ZDHHC15: variants seen among roughly 807,000 people sequenced by gnomAD.
The protein encoded by ZDHHC15 is palmitoyltransferase ZDHHC15.
Under a neutral mutation model 31.7 loss-of-function variants are expected in ZDHHC15, and 19 were observed. The ratio of observed to expected loss-of-function variants is 0.60; its 90% confidence interval spans 0.42 to 0.88. ZDHHC15 has a LOEUF of 0.88. Ranked by LOEUF, ZDHHC15 falls within the 40% of genes least tolerant of loss-of-function variation. The probability of loss-of-function intolerance (pLI) is 0.00; values close to 1 mark genes in which losing one functional copy is unlikely to be tolerated. For missense variants in ZDHHC15, 209 were observed against 251.2 expected, an observed-to-expected ratio of 0.83 and a Z score of 1.14; for synonymous variants, 103 against 90.0, an observed-to-expected ratio of 1.14 and a Z score of -0.82.
At position 75,413,587 on chromosome X, in the gene ZDHHC15, C is replaced by T. The variant is rs781088011; in HGVS notation, c.967+3500G>A. On this transcript the variant is annotated intron_variant, in intron 10 of 11. Transcript: ENST00000373367. ...GGCTGAGGCAGGAGAGTCACTTGAG[C>T]CCGGGAGGCAGAGGTTGCAGTGAGC... 4.6e-5 allele frequency among the ~76,000 whole-genome samples: 5 copies of T among 109,877 alleles called. No homozygotes were observed. In the East Asian group the frequency reaches 1.1e-3, roughly 25 times the overall value.
chrX:75,435,845 T>C (rs1192636878), intron 4 of ZDHHC15, among the ~76,000 whole-genome samples: 1 of 112,199 alleles, frequency 8.9e-6, no homozygotes, highest in Non-Finnish European at 1.9e-5. Context: ...ACTAGGGTAA[T>C]ATTGGCTTCA....
At chrX:75,444,665 TATATATATATATATATATATATAC>T (rs2084003304) in intron 4 of ZDHHC15, among the ~76,000 whole-genome samples, 2 of 78,664 alleles carry the variant, frequency 2.5e-5, no homozygotes, top group African/African-American at 1.1e-4. Context: ...TATATATATA[TATATATATATATATATATATATAC>T]ACACACACAC....
At chrX:75,431,194 C>A (rs2083775728) in intron 5 of ZDHHC15, among the ~76,000 whole-genome samples, 1 of 112,189 alleles carries the variant, frequency 8.9e-6, no homozygotes, top group African/African-American at 3.2e-5. Context: ...CAAGAACTAT[C>A]TTCACAATAA....
At chrX:75,450,774 C>T in intron 4 of ZDHHC15, 28 bp downstream of exon 4, 2 of 1,210,254 alleles carry the variant, frequency 1.7e-6, no homozygotes, top group Non-Finnish European at 2.2e-6. Context: ...GCTGAGCTGC[C>T]TCTCTAGCTG....
intron 10 of ZDHHC15, among the ~76,000 whole-genome samples, chrX:75,396,432 C>T (rs1163592466): frequency 8.9e-6 from 1 of 111,759 alleles, no homozygotes; most frequent in Non-Finnish European, 1.9e-5. Context: ...AAAATCAAAA[C>T]TATAATGAGA....
At chrX:75,483,530 G>C (rs2084727227) in intron 2 of ZDHHC15, among the ~76,000 whole-genome samples, 1 of 110,895 alleles carries the variant, frequency 9.0e-6, no homozygotes, top group African/African-American at 3.3e-5. Context: ...TGTCACCACT[G>C]CATTTCAGCC....
intron 3 of ZDHHC15, among the ~76,000 whole-genome samples, chrX:75,476,697 T>G (rs1434560170): frequency 7.6e-5 from 8 of 105,696 alleles, no homozygotes; most frequent in Non-Finnish European, 2.0e-5. Context: ...TTATGTTCCT[T>G]TCTCCTCCCT....
chrX:75,440,582 T>C (rs147334962), intron 4 of ZDHHC15, among the ~76,000 whole-genome samples: 6 of 112,482 alleles, frequency 5.3e-5, no homozygotes, highest in African/African-American at 1.6e-4. Flanking sequence ...CCCAACCACG[T>C]TCTTTTATGT....
chrX:75,454,212 T>C (rs2084176220), intron 3 of ZDHHC15, among the ~76,000 whole-genome samples: 1 of 111,989 alleles, frequency 8.9e-6, no homozygotes, highest in Non-Finnish European at 1.9e-5. Flanking sequence ...AAAATCAATG[T>C]GCAAAATCAC....
At chrX:75,399,749 G>T (rs977993592) in intron 10 of ZDHHC15, among the ~76,000 whole-genome samples, 11 of 111,194 alleles carry the variant, frequency 9.9e-5, no homozygotes, top group Non-Finnish European at 1.9e-4. Context: ...AGGAAATATG[G>T]CTGCAACTGT....
At position 75,493,279 on chromosome X, in the gene ZDHHC15, A is replaced by T. The variant is rs1233063881; in HGVS notation, c.163+12542T>A. The stretch of plus-strand genomic sequence containing the variant: ...AGACCAATAAGAGGCTCTGAAATTC[A>T]GTCAATAATTAATAGCTTACTAACC... On this transcript the variant is annotated intron_variant, in intron 2 of 11. Coordinates refer to ENST00000373367, the MANE Select transcript of ZDHHC15 (RefSeq NM_144969.3). 2.7e-5 allele frequency among the ~76,000 whole-genome samples: 3 copies of T among 112,155 alleles called. No homozygotes were observed. The East Asian group carries it at 8.4e-4, about 31-fold the overall frequency.
intron 4 of ZDHHC15, among the ~76,000 whole-genome samples, chrX:75,441,685 G>A (rs1434779234): frequency 4.8e-5 from 5 of 104,295 alleles, no homozygotes; most frequent in South Asian, 9.3e-4. Context: ...GTACAGTGGC[G>A]TGATCTCCTC....
intron 1 of ZDHHC15, among the ~76,000 whole-genome samples, chrX:75,506,568 T>C (rs1484678354): frequency 2.7e-5 from 3 of 112,013 alleles, no homozygotes; most frequent in Non-Finnish European, 5.7e-5. Context: ...ATGAGTCTGC[T>C]TGAAGATTGA....
chrX:75,447,783 A>T (rs2084054525), intron 4 of ZDHHC15, among the ~76,000 whole-genome samples: 1 of 111,506 alleles, frequency 9.0e-6, no homozygotes, highest in African/African-American at 3.3e-5. Flanking sequence ...TCCCAGAGGG[A>T]GGACTTCCAC....
chrX:75,437,680 C>T, intron 4 of ZDHHC15, among the ~76,000 whole-genome samples: 1 of 106,139 alleles, frequency 9.4e-6, no homozygotes, highest in East Asian at 3.0e-4. Flanking sequence ...TTAATCCAGT[C>T]TATCATTGTT....
chrX:75,469,930 T>C (rs1340233205), intron 3 of ZDHHC15, among the ~76,000 whole-genome samples: 1 of 111,918 alleles, frequency 8.9e-6, no homozygotes, highest in Admixed American at 9.5e-5. Context: ...AAAAAGATTT[T>C]AATAAAGGGT....
At chrX:75,461,244 A>G (rs1164541805) in intron 3 of ZDHHC15, among the ~76,000 whole-genome samples, 3 of 112,181 alleles carry the variant, frequency 2.7e-5, no homozygotes, top group Non-Finnish European at 3.8e-5. Context: ...AGAATAAGGA[A>G]TAAAATGGAA....
Position 75,478,957 on chromosome X carries a change from G to T in ZDHHC15, c.192C>A (p.Ile64=). 1 of 1,202,153 alleles carries T rather than the reference G, an allele frequency of 8.3e-7. No individual in the cohort carries two copies. The highest frequency in any genetic ancestry group is 1.8e-5 in the South Asian group (1 of 55,485). ...KVIYLILYHA[I]FVFFTWTYWK... ...AGTAGGTCCAGGTAAAGAACACAAA[G>T]ATGGCATGGTAGAGTATGAGGTAAA... Residue 64 remains isoleucine (I), a synonymous_variant, in exon 3 of 12, where the codon ATC becomes ATA. Coordinates refer to ENST00000373367, the MANE Select transcript of ZDHHC15 (RefSeq NM_144969.3).
At chrX:75,379,249 G>A in intron 10 of ZDHHC15, 51 bp from the exon 11 acceptor site, 1 of 1,172,710 alleles carries the variant, frequency 8.5e-7, no homozygotes, top group Non-Finnish European at 1.2e-6. Context: ...CCTTATATGG[G>A]TGGGTATTCA....
Sources: gnomAD v4.1 joint callset for allele counts (sites outside exome capture counted in the v4.1 genomes callset) on GRCh38, gnomAD v4.1.1 for gene constraint, MANE v1.5 for transcripts, NCBI Gene and HGNC (gene_info 2026-07-23, HGNC 2026-07-21) for gene names.